TAFA5: variants seen among roughly 807,000 people sequenced by gnomAD.
TAFA5 encodes chemokine-like protein TAFA-5.
A neutral mutation model predicts 15.3 loss-of-function variants in TAFA5; 6 were observed. The observed-to-expected ratio is 0.39, with a 90% CI of 0.21 to 0.77. TAFA5 has a LOEUF of 0.77. TAFA5 is among the 30% of genes least tolerant of loss of function. The probability of loss-of-function intolerance (pLI) is 0.41; values close to 1 mark genes in which losing one functional copy is unlikely to be tolerated. For missense variants in TAFA5, 161 were observed against 193.1 expected (o/e 0.83, Z 0.98); for synonymous variants, 103 against 80.7 (o/e 1.28, Z -1.48).
chr22:48,578,983 G>T (rs1923927615), intron 1 of TAFA5, among the ~76,000 whole-genome samples: 2 of 152,238 alleles, frequency 1.3e-5, no homozygotes, highest in African/African-American at 4.8e-5. Flanking sequence ...GTGACTTGTT[G>T]TCTGGGCCTG....
chr22:48,590,158 C>T (rs1924511060), intron 1 of TAFA5, among the ~76,000 whole-genome samples: 1 of 152,166 alleles, frequency 6.6e-6, no homozygotes, highest in Non-Finnish European at 1.5e-5. Context: ...TCCGGATTCC[C>T]ATCCCGGAGG....
chr22:48,646,167 C>G (rs1345167932), intron 1 of TAFA5, among the ~76,000 whole-genome samples: 1 of 152,170 alleles, frequency 6.6e-6, no homozygotes, highest in African/African-American at 2.4e-5. Context: ...GTGCCACACC[C>G]TGGGGCCAGT....
intron 2 of TAFA5, chr22:48,693,504 AGAG>A (rs1467122149): frequency 1.3e-6 from 2 of 1,530,154 alleles, no homozygotes; most frequent in South Asian, 2.4e-5. Flanking sequence ...CTGAGGTCCC[AGAG>A]GAGACCAGCA....
At chr22:48,537,225 A>G (rs5768716) in intron 1 of TAFA5, among the ~76,000 whole-genome samples, 122,746 of 149,808 alleles carry the variant, frequency 0.82, 50,364 homozygotes, top group Middle Eastern at 0.91. Flanking sequence ...AGGGTGGGGC[A>G]GGGGAGGCCG....
intron 1 of TAFA5, among the ~76,000 whole-genome samples, chr22:48,496,534 G>A (rs562008329): frequency 1.3e-5 from 2 of 152,356 alleles, no homozygotes; most frequent in East Asian, 3.9e-4. Flanking sequence ...TGCAGGCAGA[G>A]GAGCCAGGGG....
intron 1 of TAFA5, among the ~76,000 whole-genome samples, chr22:48,511,205 T>G (rs1921197779): frequency 6.6e-6 from 1 of 152,178 alleles, no homozygotes; most frequent in African/African-American, 2.4e-5. Context: ...TCTTCATGTG[T>G]GGACAGGAGA....
intron 3 of TAFA5, among the ~76,000 whole-genome samples, chr22:48,744,547 G>T (rs998914144): frequency 6.6e-6 from 1 of 152,146 alleles, no homozygotes; most frequent in African/African-American, 2.4e-5. Context: ...CCTCAGCCCT[G>T]CAGCCTTGGG....
chr22:48,593,831 G>A (rs35266352), intron 1 of TAFA5, among the ~76,000 whole-genome samples: 4,543 of 152,196 alleles, frequency 0.03, 146 homozygotes, highest in East Asian at 0.18. Context: ...CCGCCCTCCT[G>A]CCCTGCTGTG....
chr22:48,503,815 C>T (rs371976232), intron 1 of TAFA5, among the ~76,000 whole-genome samples: 3 of 152,186 alleles, frequency 2.0e-5, no homozygotes, highest in East Asian at 1.9e-4. Flanking sequence ...AGATGACACT[C>T]GCACCCCCAT....
rs73891723 is a variant in TAFA5, at chr22:48,709,850, T to A, written c.390+2006T>A. 8.1e-3 allele frequency among the ~76,000 whole-genome samples: 1,236 copies of A among 152,382 alleles called. 14 individuals are homozygous for A. Among genetic ancestry groups the A allele is most frequent in the African/African-American group, 0.028 (1,170 of 41,596 alleles). ...GCTGAGCCAGTGACAGGGCCAGGAC[T>A]GGCCCAGCCCCTCCAAAGGCATCGA... is the stretch of plus-strand genomic sequence containing the variant. On this transcript the variant is annotated intron_variant, in intron 3 of 3. Transcript: ENST00000402357.
chr22:48,575,722 G>T (rs1056193835), intron 1 of TAFA5, among the ~76,000 whole-genome samples: 2 of 144,946 alleles, frequency 1.4e-5, no homozygotes, highest in Non-Finnish European at 3.1e-5. Flanking sequence ...GCAGAGGCCG[G>T]CACCGTCCGG....
rs560594005 is a variant in TAFA5, at chr22:48,527,853, T to G, written c.112+38149T>G. On this transcript the variant is annotated intron_variant, in intron 1 of 3. Transcript: ENST00000402357. ...ATGCGCCGGGTGTTTCACGGGTAGA[T>G]GGAGCCCGGCGCGAGGCTTCAGGCC... Among the ~76,000 whole-genome samples, 384 of 152,268 alleles carry G rather than the reference T, an allele frequency of 2.5e-3. 5 individuals carry two copies. The highest frequency in any genetic ancestry group is 8.9e-3 in the African/African-American group (369 of 41,552).
At chr22:48,727,987 ATAACT>A (rs891218769) in intron 3 of TAFA5, among the ~76,000 whole-genome samples, 4 of 152,242 alleles carry the variant, frequency 2.6e-5, no homozygotes, top group Admixed American at 2.0e-4. Flanking sequence ...TGAGATTTAA[ATAACT>A]TAATCTATAT....
chr22:48,737,059 G>C (rs1290753561), intron 3 of TAFA5, among the ~76,000 whole-genome samples: 1 of 152,020 alleles, frequency 6.6e-6, no homozygotes, highest in East Asian at 1.9e-4. Context: ...TGGTCCCCAG[G>C]GGCTCTGCTC....
At chr22:48,549,378 G>T (rs1186557350) in intron 1 of TAFA5, among the ~76,000 whole-genome samples, 2 of 152,250 alleles carry the variant, frequency 1.3e-5, no homozygotes, top group Admixed American at 6.5e-5. Flanking sequence ...CCAGGCAGCT[G>T]GTGGTCAGCA....
At chr22:48,503,257 T>C (rs1027617622) in intron 1 of TAFA5, among the ~76,000 whole-genome samples, 1 of 152,262 alleles carries the variant, frequency 6.6e-6, no homozygotes, top group Admixed American at 6.5e-5. Context: ...GGAGCATGGG[T>C]GGGGTGTGTG....
At position 48,582,679 on chromosome 22, in the gene TAFA5, C is replaced by T. The variant is rs111166610; in HGVS notation, c.113-63918C>T. The stretch of plus-strand genomic sequence containing the variant: ...CACCACACACAAAATACACCACACA[C>T]GAAATACACCACACACCACACACAA... On this transcript the variant is annotated intron_variant, in intron 1 of 3. Coordinates refer to ENST00000402357, the MANE Select transcript of TAFA5 (RefSeq NM_001082967.3). 2.8e-3 allele frequency among the ~76,000 whole-genome samples: 420 copies of T among 148,350 alleles called. 2 individuals carry two copies. The highest frequency in any genetic ancestry group is 9.4e-3 in the African/African-American group (374 of 39,906).
At chr22:48,557,416 G>A (rs1351283483) in intron 1 of TAFA5, among the ~76,000 whole-genome samples, 2 of 152,268 alleles carry the variant, frequency 1.3e-5, no homozygotes, top group South Asian at 2.1e-4. Context: ...CTGGACTCCC[G>A]GCCTCCAGGG....
chr22:48,641,983 G>C (rs1926697895), intron 1 of TAFA5, among the ~76,000 whole-genome samples: 1 of 152,210 alleles, frequency 6.6e-6, no homozygotes, highest in Non-Finnish European at 1.5e-5. Flanking sequence ...CGGCGCCGTG[G>C]GTAGACCAGC....
Sources: gnomAD v4.1 joint callset for allele counts (sites outside exome capture counted in the v4.1 genomes callset) on GRCh38, gnomAD v4.1.1 for gene constraint, MANE v1.5 for transcripts, NCBI Gene and HGNC (gene_info 2026-07-23, HGNC 2026-07-21) for gene names.